Variants in MTUS2 observed in about 807,000 individuals in gnomAD.
MTUS2 encodes microtubule-associated tumor suppressor candidate 2.
A neutral mutation model predicts 114.1 loss-of-function variants in MTUS2; 40 were observed. The ratio of observed to expected loss-of-function variants is 0.35; its 90% CI spans 0.27 to 0.46. MTUS2 has a LOEUF of 0.46. Among genes scored for constraint, MTUS2 ranks in the 20% least tolerant of loss-of-function variants. The pLI, the probability that MTUS2 is intolerant of heterozygous loss-of-function variation, is 1.00. For missense variants in MTUS2, 1,679 were observed against 1,705.4 expected, an observed-to-expected ratio of 0.98 and a Z score of 0.27; for synonymous variants, 688 against 672.0, an observed-to-expected ratio of 1.02 and a Z score of -0.37.
chr13:28,994,671 A>G (rs891296132), intron 2 of MTUS2, among the ~76,000 whole-genome samples: 7 of 152,112 alleles, frequency 4.6e-5, no homozygotes, highest in African/African-American at 1.7e-4. Flanking sequence ...ACGTTTTTTC[A>G]TGTGTTTTTT....
intron 4 of MTUS2, among the ~76,000 whole-genome samples, chr13:29,077,309 C>T (rs866412140): frequency 3.3e-5 from 5 of 151,958 alleles, no homozygotes; most frequent in Admixed American, 6.6e-5. Flanking sequence ...TGCTTCTCAG[C>T]CATGTGAACA....
intron 4 of MTUS2, among the ~76,000 whole-genome samples, chr13:29,068,683 C>T (rs1888774212): frequency 6.6e-6 from 1 of 151,898 alleles, no homozygotes; most frequent in African/African-American, 2.4e-5. Context: ...GTACGAAGGG[C>T]AAAGGATTTG....
At chr13:29,082,903 T>C (rs1424138980) in intron 4 of MTUS2, among the ~76,000 whole-genome samples, 1 of 152,106 alleles carries the variant, frequency 6.6e-6, no homozygotes, top group East Asian at 1.9e-4. Context: ...TTACTAAAGC[T>C]TTTATAGTGA....
chr13:29,353,256 A>C (rs901065613), intron 7 of MTUS2, among the ~76,000 whole-genome samples: 1 of 152,148 alleles, frequency 6.6e-6, no homozygotes, highest in African/African-American at 2.4e-5. Flanking sequence ...TGCAGCCTCA[A>C]CTTCCCTGGC....
intron 4 of MTUS2, among the ~76,000 whole-genome samples, chr13:29,085,588 C>T (rs1290468532): frequency 6.6e-6 from 1 of 152,168 alleles, no homozygotes; most frequent in African/African-American, 2.4e-5. Flanking sequence ...GCCTCCAGCT[C>T]CACCCATGTT....
At chr13:29,354,622 T>C (rs962582761) in intron 7 of MTUS2, among the ~76,000 whole-genome samples, 4 of 152,138 alleles carry the variant, frequency 2.6e-5, no homozygotes, top group South Asian at 2.1e-4. Flanking sequence ...AGTACCTTGC[T>C]CCTACAGGGC....
chr13:29,322,163 A>G (rs550393708), intron 6 of MTUS2, among the ~76,000 whole-genome samples: 6 of 152,372 alleles, frequency 3.9e-5, no homozygotes, highest in African/African-American at 1.4e-4. Context: ...CTGAATGGAA[A>G]ACACTGAAAG....
chr13:29,338,568 C>T (rs932685880), intron 7 of MTUS2, among the ~76,000 whole-genome samples: 4 of 151,640 alleles, frequency 2.6e-5, no homozygotes, highest in Middle Eastern at 3.4e-3. Flanking sequence ...ACAGCCTGGG[C>T]GACAGAGCAA....
chr13:28,982,346 T>TA (rs34479954), intron 2 of MTUS2, among the ~76,000 whole-genome samples: 32,331 of 147,048 alleles, frequency 0.22, 4,198 homozygotes, highest in East Asian at 0.51. Context: ...GGTTATTATT[T>TA]AAAAAAAAAA....
At chr13:29,016,400 T>G (rs1271350139) in intron 2 of MTUS2, among the ~76,000 whole-genome samples, 1 of 151,832 alleles carries the variant, frequency 6.6e-6, no homozygotes, top group Non-Finnish European at 1.5e-5. Context: ...TGTTGGCAAA[T>G]GTGAATGAAA....
intron 5 of MTUS2, among the ~76,000 whole-genome samples, chr13:29,274,626 T>C (rs953680022): frequency 6.6e-6 from 1 of 152,222 alleles, no homozygotes; most frequent in South Asian, 2.1e-4. Flanking sequence ...GTGAACACCT[T>C]TTCATGTACT....
intron 5 of MTUS2, among the ~76,000 whole-genome samples, chr13:29,161,223 G>T (rs941055167): frequency 6.6e-6 from 1 of 152,160 alleles, no homozygotes; most frequent in Admixed American, 6.5e-5. Flanking sequence ...TCAGCAGATT[G>T]TATCAATGTC....
At chr13:28,864,078 G>A (rs1343218051) in intron 2 of MTUS2, among the ~76,000 whole-genome samples, 1 of 152,156 alleles carries the variant, frequency 6.6e-6, no homozygotes, top group Non-Finnish European at 1.5e-5. Context: ...CTGTGGGCTA[G>A]GAATCACTAA....
rs140708188 is a variant in MTUS2, at chr13:29,446,504, T to C, written c.3184+6455T>C. Among the ~76,000 whole-genome samples, 445 of 152,348 alleles carry C rather than the reference T, an allele frequency of 2.9e-3. 2 individuals carry two copies. Among genetic ancestry groups the C allele is most frequent in the Non-Finnish European group, 5.2e-3 (354 of 68,030 alleles). On this transcript the variant is annotated intron_variant, in intron 9 of 15. Coordinates refer to ENST00000612955, the MANE Select transcript of MTUS2 (RefSeq NM_001033602.4). ...TTCATAGCCATAAAATGTTCTATAGTGCTGACAAACTACAGTAAGTTCCTT... is the reference window on the plus strand; with the variant it reads ...TTCATAGCCATAAAATGTTCTATAGCGCTGACAAACTACAGTAAGTTCCTT...
intron 8 of MTUS2, among the ~76,000 whole-genome samples, chr13:29,376,633 T>A (rs1043621319): frequency 2.6e-5 from 4 of 152,192 alleles, no homozygotes; most frequent in African/African-American, 9.6e-5. Flanking sequence ...ATAAATTTAT[T>A]TTTGTAAGTA....
At chr13:29,467,521 A>G (rs1478596438) in intron 9 of MTUS2, among the ~76,000 whole-genome samples, 1 of 152,054 alleles carries the variant, frequency 6.6e-6, no homozygotes, top group Non-Finnish European at 1.5e-5. Flanking sequence ...TGCAAGCCCA[A>G]ATTAACCTGG....
chr13:29,482,516 CATTT>C (rs1301487303), intron 10 of MTUS2: 2 of 152,156 alleles, frequency 1.3e-5, no homozygotes, highest in African/African-American at 4.8e-5. Context: ...TAGCAAAAGC[CATTT>C]ATTTATTTAC....
intron 2 of MTUS2, among the ~76,000 whole-genome samples, chr13:28,903,574 C>G (rs941753666): frequency 5.9e-5 from 9 of 151,686 alleles, no homozygotes; most frequent in African/African-American, 1.9e-4. Flanking sequence ...TCATCCATGT[C>G]CCTACAAAGG....
chr13:29,199,019 T>C (rs190316857), intron 5 of MTUS2, among the ~76,000 whole-genome samples: 25 of 152,276 alleles, frequency 1.6e-4, no homozygotes, highest in African/African-American at 5.3e-4. Flanking sequence ...GCAGAGACAT[T>C]TTGACTTCCT....
Sources: allele counts gnomAD v4.1 joint callset (sites outside exome capture counted in the v4.1 genomes callset), GRCh38; gene constraint gnomAD v4.1.1; transcripts MANE v1.5; gene names NCBI Gene and HGNC (gene_info 2026-07-23, HGNC 2026-07-21).